The following PSMD2 variants were observed in gnomAD, a reference collection of about 807,000 sequenced individuals.
PSMD2 encodes proteasome 26S subunit ubiquitin receptor, non-ATPase 2.
PSMD2 carries 8 observed loss-of-function variants against 101.5 expected under a neutral mutation model. The ratio of observed to expected loss-of-function variants is 0.08; its 90% CI spans 0.05 to 0.14. PSMD2 has a LOEUF of 0.14. Ranked by LOEUF, PSMD2 falls within the 10% of genes least tolerant of loss-of-function variation. The pLI, the probability that PSMD2 is intolerant of heterozygous loss-of-function variation, is 1.00. For missense variants in PSMD2, 784 were observed against 1,147.4 expected (o/e 0.68, Z 4.58); for synonymous variants, 418 against 433.8 (o/e 0.96, Z 0.45).
At position 184,303,760 on chromosome 3, in the gene PSMD2, A is replaced by T. The variant is rs748337225; in HGVS notation, c.1323+11A>T. 10 of 1,613,384 alleles carry T rather than the reference A, an allele frequency of 6.2e-6. No individual in the cohort carries two copies. The highest frequency in any genetic ancestry group is 8.5e-6 in the Non-Finnish European group (10 of 1,179,388). ...GAGGACTACATTAAGGTTGGTCTGC[A>T]TACAGCCTGCTCATGGGGACTTCCC... On this transcript the variant is annotated intron_variant, in intron 10 of 20. Transcript: ENST00000310118.
chr3:184,307,678 A>C lies in PSMD2; in HGVS notation c.2268A>C (p.Pro756=). 6.2e-7 allele frequency: 1 copy of C among 1,614,182 alleles called. No individual in the cohort carries two copies. Among genetic ancestry groups the C allele is most frequent in the Non-Finnish European group, 8.5e-7 (1 of 1,180,032 alleles). ...TAGCTCAATATCATGCCAAGGACCC[A>C]AACAACCTCTTCATGGTGCGCTTGG... is the stretch of plus-strand genomic sequence containing the variant. ...RQLAQYHAKD[P]NNLFMVRLAQ... is the part of the protein sequence containing the mutation. Residue 756 remains proline, a synonymous_variant, in exon 18 of 21, where the codon CCA becomes CCC. Transcript: ENST00000310118.
chr3:184,303,198 G>A (rs1338182655), intron 8 of PSMD2, 122 bp from the exon 9 acceptor site: 9 of 1,498,026 alleles, frequency 6.0e-6, no homozygotes, highest in South Asian at 3.5e-5. Context: ...ACTGCTTGGG[G>A]GGGTATAGGT....
intron 8 of PSMD2, 76 bp from the exon 9 acceptor site, chr3:184,303,244 C>A: frequency 3.2e-6 from 5 of 1,556,356 alleles, no homozygotes; most frequent in Non-Finnish European, 8.7e-7. Context: ...AACCAGAGAC[C>A]AGTTGCCATG....
chr3:184,304,151 C>T lies in PSMD2; in HGVS notation c.1451+77C>T, dbSNP rs1395888940. The stretch of plus-strand genomic sequence containing the variant: ...GAACAGGAACTGGGCCCTTTTCACC[C>T]ATATTGCCAAGGGCTACCACTGTGC... On this transcript the variant is annotated intron_variant, in intron 11 of 20. Coordinates refer to ENST00000310118, the MANE Select transcript of PSMD2 (RefSeq NM_002808.5). This position sits in a 1 kb window ranked among gnomAD's most constrained non-coding sequence, Gnocchi z 4.1. The T allele has an allele frequency of 8.2e-6, 13 of 1,588,230 alleles. No homozygotes were observed. The highest frequency in any genetic ancestry group is 1.1e-5 in the Non-Finnish European group (13 of 1,157,626).
chr3:184,299,734 T>C, intron 1 of PSMD2, 117 bp from the exon 2 acceptor site: 1 of 848,272 alleles, frequency 1.2e-6, no homozygotes, highest in Non-Finnish European at 1.9e-6. Context: ...CTCGGTTTCC[T>C]TGTCCACCTG....
chr3:184,304,371 G>C lies in PSMD2; in HGVS notation c.1519G>C (p.Asp507His), dbSNP rs1164808412. ...VLTLLLPVMG[D>H]SKSSMEVAGV... The stretch of plus-strand genomic sequence containing the variant: ...AACACTGCTGCTGCCTGTGATGGGA[G>C]ATTCAAAGTCCAGCATGGAGGTGAG... Residue 507 changes from aspartate to histidine, a missense_variant, in exon 12 of 21, where the codon GAT becomes CAT. Around this residue, in one of 6 missense-constraint regions of PSMD2, gnomAD observed 282 missense variants for 437.6 expected, o/e 0.64. Transcript: ENST00000310118. The surrounding 1 kb of genome is among the most constrained non-coding windows in gnomAD (Gnocchi z 4.1). 1.2e-6 allele frequency: 2 copies of C among 1,614,234 alleles called. No homozygotes were observed. The highest frequency in any genetic ancestry group is 1.7e-6 in the Non-Finnish European group (2 of 1,180,018).
chr3:184,303,330 C>A lies in PSMD2; in HGVS notation c.1080C>A (p.Gly360=). Residue 360 remains glycine (G), a synonymous_variant, in exon 9 of 21, where the codon GGC becomes GGA. Coordinates refer to ENST00000310118, the MANE Select transcript of PSMD2 (RefSeq NM_002808.5). ...TCCCTCCTGTTGCAGGGTTTGGGGG[C>A]AGTGGCTCTCAGGTGGACTCTGCCC... ...KTHLENNRFG[G]SGSQVDSARM... The A allele has an allele frequency of 6.2e-7, 1 of 1,613,000 alleles. No homozygotes were observed. The highest frequency in any genetic ancestry group is 8.5e-7 in the Non-Finnish European group (1 of 1,179,800).
intron 3 of PSMD2, chr3:184,300,652 C>G (rs1420917735): frequency 1.4e-5 from 19 of 1,351,410 alleles, no homozygotes; most frequent in Non-Finnish European, 1.7e-5. Flanking sequence ...GTGTATTGGA[C>G]TTTGGGGTTT....
intron 1 of PSMD2, 43 bp from the exon 2 acceptor site, chr3:184,299,808 T>A: frequency 1.3e-6 from 2 of 1,541,766 alleles, no homozygotes; most frequent in Non-Finnish European, 9.0e-7. Flanking sequence ...AGGACGTCTT[T>A]GGGATTCCTT....
chr3:184,307,401 A>C lies in PSMD2; in HGVS notation c.2079A>C (p.Ala693=). The C allele has an allele frequency of 6.2e-7, 1 of 1,614,124 alleles. No individual in the cohort carries two copies. Among genetic ancestry groups the C allele is most frequent in the Non-Finnish European group, 8.5e-7 (1 of 1,179,988 alleles). ...EPTLRRAVPL[A]LALISVSNPR... ...CACTCCGGAGGGCTGTACCTTTAGCACTGGCCCTCATCTCTGTTTCAAATC... is the reference window on the plus strand; with the variant it reads ...CACTCCGGAGGGCTGTACCTTTAGCCCTGGCCCTCATCTCTGTTTCAAATC... Residue 693 remains alanine, a synonymous_variant, in exon 17 of 21, where the codon GCA becomes GCC. Transcript: ENST00000310118.
Position 184,308,320 on chromosome 3 carries a change from GA to G in PSMD2, c.2426-128del. 1.2e-6 allele frequency: 1 copy of G among 845,916 alleles called. No individual in the cohort carries two copies. Among genetic ancestry groups the G allele is most frequent in the South Asian group, 1.6e-5 (1 of 61,140 alleles). The allele number at this position is 845,916 out of a possible 1,614,324, so 52.4% of individuals were successfully genotyped here. On this transcript the variant is annotated intron_variant, in intron 19 of 20. Coordinates refer to ENST00000310118, the MANE Select transcript of PSMD2 (RefSeq NM_002808.5). The surrounding 1 kb of genome is among the most constrained non-coding windows in gnomAD (Gnocchi z 6.0). ...GTCTCTGGTTCGTAGTAGGGTGTAT[GA>G]GGGGAGGAGTGTGGATTCAGTCGTA...
Position 184,305,922 on chromosome 3 carries a change from A to G in PSMD2, c.1694A>G (p.Asn565Ser), listed in dbSNP as rs751861824. 2.6e-5 allele frequency: 42 copies of G among 1,614,040 alleles called. No homozygotes were observed. In the Admixed American group the frequency reaches 4.7e-4, roughly 18 times the overall value. Reference protein sequence around the residue: ...ARWLPLGLGLNHLGKGEAIEA... With the variant: ...ARWLPLGLGLSHLGKGEAIEA... ...TGGCTTCCTCTTGGACTGGGTCTCAACCACCTGGGTGAGGGGATGTTTCTA... is the reference window on the plus strand; with the variant it reads ...TGGCTTCCTCTTGGACTGGGTCTCAGCCACCTGGGTGAGGGGATGTTTCTA... Residue 565 changes from asparagine (N) to serine (S), a missense_variant, in exon 13 of 21, where the codon AAC (asparagine) becomes AGC (serine). Around this residue, in one of 6 missense-constraint regions of PSMD2, gnomAD observed 282 missense variants for 437.6 expected, o/e 0.64. Coordinates refer to ENST00000310118, the MANE Select transcript of PSMD2 (RefSeq NM_002808.5).
chr3:184,306,396 C>T lies in PSMD2; in HGVS notation c.1851C>T (p.Ser617=), dbSNP rs774478978. 1.8e-5 allele frequency: 29 copies of T among 1,613,914 alleles called. No individual in the cohort carries two copies. The highest frequency in any genetic ancestry group is 1.1e-4 in the African/African-American group (8 of 74,858). The part of the protein sequence containing the change: ...LKVQQLLHIC[S]EHFDSKEKEE... ...TGCAGCAGCTGCTCCACATTTGTAGCGAACACTTTGACTCCAAAGAGAAGG... is the reference window on the plus strand; with the variant it reads ...TGCAGCAGCTGCTCCACATTTGTAGTGAACACTTTGACTCCAAAGAGAAGG... The change falls in exon 15 of 21, where the codon AGC becomes AGT. Residue 617 remains serine (S), a synonymous_variant. Transcript: ENST00000310118.
rs369633531 is a variant in PSMD2 at position 184,308,770 on chromosome 3, A to G, written c.2607A>G (p.Thr869=). Residue 869 remains threonine (T), a synonymous_variant, in exon 21 of 21, where the codon ACA becomes ACG. Transcript: ENST00000310118. This position sits in a 1 kb window ranked among gnomAD's most constrained non-coding sequence, Gnocchi z 6.0. ...CTATCACAGGGTTCCAGACGCATAC[A>G]ACCCCAGTGTTGTTGGCCCACGGGG... ...PKTITGFQTH[T]TPVLLAHGER... 1.9e-6 allele frequency: 3 copies of G among 1,614,020 alleles called. No individual in the cohort carries two copies. In the African/African-American group the frequency reaches 4.0e-5, roughly 22 times the overall value.
intron 3 of PSMD2, among the ~76,000 whole-genome samples, chr3:184,301,307 G>A (rs1721635136): frequency 6.6e-6 from 1 of 150,452 alleles, no homozygotes; most frequent in East Asian, 1.9e-4. Flanking sequence ...TTGCACTCCA[G>A]CCTGGGCAGC....
At chr3:184,302,236 C>CT (rs1306780900) in intron 5 of PSMD2, 134 bp from the exon 6 acceptor site, 2 of 1,168,808 alleles carry the variant, frequency 1.7e-6, no homozygotes, top group Non-Finnish European at 2.4e-6. Flanking sequence ...TTTGTGTCTT[C>CT]TTAGTAGTTC....
intron 10 of PSMD2, 51 bp from the exon 11 acceptor site, chr3:184,303,896 C>T (rs750334198): frequency 5.6e-6 from 9 of 1,613,268 alleles, no homozygotes; most frequent in South Asian, 4.4e-5. Flanking sequence ...GCATCCTTTG[C>T]GGTGAGGAAG....
At position 184,304,932 on chromosome 3, in the gene PSMD2, C is replaced by T. The variant is rs115765593; in HGVS notation, c.1539+541C>T. Among the ~76,000 whole-genome samples the T allele has an allele frequency of 6.6e-6, 1 of 152,052 alleles. No individual in the cohort carries two copies. Among genetic ancestry groups the T allele is most frequent in the Non-Finnish European group, 1.5e-5 (1 of 67,976 alleles). On this transcript the variant is annotated intron_variant, in intron 12 of 20. Transcript: ENST00000310118. This position sits in a 1 kb window ranked among gnomAD's most constrained non-coding sequence, Gnocchi z 4.1. ...TAACATTTTAGTGTTGAGTTCTGTC[C>T]CTTGGAATCTCTGAGAAACTACTTG...
Position 184,308,322 on chromosome 3 carries a change from G to A in PSMD2, c.2426-127G>A, listed in dbSNP as rs1577161660. The A allele has an allele frequency of 3.5e-6, 3 of 850,988 alleles. No individual in the cohort carries two copies. The highest frequency in any genetic ancestry group is 4.9e-5 in the East Asian group (2 of 41,180). The allele number at this position is 850,988 out of a possible 1,614,324, so 52.7% of individuals were successfully genotyped here. ...CTCTGGTTCGTAGTAGGGTGTATGA[G>A]GGGAGGAGTGTGGATTCAGTCGTAT... On this transcript the variant is annotated intron_variant, in intron 19 of 20. Transcript: ENST00000310118. The surrounding 1 kb of genome is among the most constrained non-coding windows in gnomAD (Gnocchi z 6.0).
Sources: allele counts gnomAD v4.1 joint callset (sites outside exome capture counted in the v4.1 genomes callset), GRCh38; gene constraint gnomAD v4.1.1; regional missense constraint gnomAD v4.1.1; non-coding constraint Gnocchi (gnomAD v3.1); transcripts MANE v1.5; gene names NCBI Gene and HGNC (gene_info 2026-07-23, HGNC 2026-07-21).